Variants in UBE2Q2 observed in about 807,000 individuals in gnomAD.
The protein encoded by UBE2Q2 is ubiquitin-conjugating enzyme E2 Q2.
UBE2Q2 carries 54 observed loss-of-function variants against 59.9 expected under a neutral mutation model. The ratio of observed to expected loss-of-function variants is 0.90; its 90% confidence interval spans 0.72 to 1.13. UBE2Q2 has a LOEUF of 1.13. Ranked by LOEUF, UBE2Q2 falls within the 50% of genes most tolerant of loss-of-function variation. The pLI, the probability that UBE2Q2 is intolerant of heterozygous loss-of-function variation, is 0.00. For synonymous variants in UBE2Q2, 165 were observed against 155.2 expected, an observed-to-expected ratio of 1.06 and a Z score of -0.47; for missense variants, 433 against 441.9, an observed-to-expected ratio of 0.98 and a Z score of 0.18.
intron 1 of UBE2Q2, chr15:75,844,687 G>A (rs1477281964): frequency 1.9e-6 from 1 of 536,188 alleles, no homozygotes; most frequent in Non-Finnish European, 3.2e-6. Context: ...GAAGTATTAA[G>A]TTTCTCCATA....
intron 9 of UBE2Q2, among the ~76,000 whole-genome samples, chr15:75,889,032 G>C (rs1271520171): frequency 6.6e-6 from 1 of 152,150 alleles, no homozygotes; most frequent in East Asian, 1.9e-4. Context: ...TAAGCTTTCA[G>C]CAATTGTGGA....
chr15:75,877,904 A>G (rs1898175000), intron 6 of UBE2Q2, 57 bp from the exon 7 acceptor site: 1 of 1,523,240 alleles, frequency 6.6e-7, no homozygotes, highest in Non-Finnish European at 9.0e-7. Flanking sequence ...CATTTATACC[A>G]TAGTAATAGT....
chr15:75,879,225 TG>T, intron 8 of UBE2Q2, 37 bp downstream of exon 8: 2 of 1,273,910 alleles, frequency 1.6e-6, no homozygotes, highest in African/African-American at 3.0e-5. Flanking sequence ...ATACTTCCAG[TG>T]GGGTGCGTAT....
intron 4 of UBE2Q2, among the ~76,000 whole-genome samples, chr15:75,871,945 G>T (rs1049386619): frequency 1.3e-5 from 2 of 152,164 alleles, no homozygotes; most frequent in Non-Finnish European, 2.9e-5. Flanking sequence ...TCGTGGATGG[G>T]AACATGACTG....
At position 75,877,925 on chromosome 15, in the gene UBE2Q2, A is replaced by G; in HGVS notation, c.674-36A>G. 3 of 1,582,504 alleles carry G rather than the reference A, an allele frequency of 1.9e-6. No individual in the cohort carries two copies. In the South Asian group the frequency reaches 3.4e-5, roughly 18 times the overall value. ...TACCATAGTAATAGTTATATGATGA[A>G]ATGAAGAGTAGCTAACATGCTCTAT... On this transcript the variant is annotated intron_variant, in intron 6 of 12. Transcript: ENST00000267938.
intron 1 of UBE2Q2, among the ~76,000 whole-genome samples, chr15:75,847,904 T>C (rs1359549889): frequency 1.3e-5 from 2 of 152,212 alleles, no homozygotes; most frequent in Non-Finnish European, 2.9e-5. Context: ...AGTGGCTGTT[T>C]GCTAGGCTGC....
chr15:75,855,573 A>G (rs912314069), intron 2 of UBE2Q2, among the ~76,000 whole-genome samples: 3 of 152,184 alleles, frequency 2.0e-5, no homozygotes, highest in Admixed American at 6.5e-5. Context: ...TTCAGCTGAC[A>G]TGATTGTTTA....
chr15:75,854,623 T>C, intron 2 of UBE2Q2, 136 bp downstream of exon 2: 1 of 533,364 alleles, frequency 1.9e-6, no homozygotes. Context: ...AGTTTGTTTG[T>C]TTTTTTTCCT....
At chr15:75,879,432 G>GA (rs1898272362) in intron 8 of UBE2Q2, among the ~76,000 whole-genome samples, 1 of 152,220 alleles carries the variant, frequency 6.6e-6, no homozygotes, top group Admixed American at 6.5e-5. Flanking sequence ...ATAAAATGGA[G>GA]AATTGTGGTG....
At chr15:75,852,440 C>T (rs1000551645) in intron 1 of UBE2Q2, among the ~76,000 whole-genome samples, 6 of 152,154 alleles carry the variant, frequency 3.9e-5, no homozygotes, top group Non-Finnish European at 8.8e-5. Flanking sequence ...CTTAGATCTA[C>T]AGTGTATCAT....
intron 5 of UBE2Q2, 60 bp from the exon 6 acceptor site, chr15:75,876,127 T>C (rs886586838): frequency 6.7e-7 from 1 of 1,494,080 alleles, no homozygotes; most frequent in East Asian, 2.3e-5. Context: ...TTAGATCAGG[T>C]TGAAATATCT....
chr15:75,854,495 A>G lies in UBE2Q2; in HGVS notation c.282+8A>G, dbSNP rs1172216860. ...ACTAAGAACAACAATTTGGTAAGAA[A>G]ATAAGCCAAGCTATTTTCTCTTTTC... On this transcript the variant is annotated splice_region_variant and intron_variant, in intron 2 of 12. Coordinates refer to ENST00000267938, the MANE Select transcript of UBE2Q2 (RefSeq NM_173469.4). 13 of 1,579,032 alleles carry G rather than the reference A, an allele frequency of 8.2e-6. No homozygotes were observed. Among genetic ancestry groups the G allele is most frequent in the Non-Finnish European group, 1.0e-5 (12 of 1,153,938 alleles).
intron 3 of UBE2Q2, among the ~76,000 whole-genome samples, chr15:75,865,638 C>T (rs1342061654): frequency 6.6e-6 from 1 of 152,026 alleles, no homozygotes; most frequent in African/African-American, 2.4e-5. Context: ...ATTTTTAGTG[C>T]ATCAATATGG....
Position 75,843,747 on chromosome 15 carries a change from C to T in UBE2Q2, c.81C>T (p.Val27=), listed in dbSNP as rs368241686. 3.0e-4 allele frequency: 491 copies of T among 1,611,540 alleles called. 5 individuals are homozygous for T. The South Asian group carries it at 4.1e-3, about 13-fold the overall frequency. ...FDKNHERFRI[V]SWKLDELHCQ... is the part of the protein sequence containing the mutation. ...AGAACCACGAGCGATTCCGCATCGT[C>T]AGTTGGAAGCTGGACGAGCTGCACT... is the stretch of plus-strand genomic sequence containing the variant. Residue 27 remains valine, a synonymous_variant, in exon 1 of 13, where the codon GTC becomes GTT. Coordinates refer to ENST00000267938, the MANE Select transcript of UBE2Q2 (RefSeq NM_173469.4).
chr15:75,843,744 C>T lies in UBE2Q2; in HGVS notation c.78C>T (p.Ile26=), dbSNP rs1225164761. The T allele has an allele frequency of 3.7e-6, 6 of 1,611,468 alleles. No individual in the cohort carries two copies. Among genetic ancestry groups the T allele is most frequent in the African/African-American group, 2.7e-5 (2 of 74,478 alleles). The change falls in exon 1 of 13, where the codon ATC becomes ATT. Residue 26 remains isoleucine (I), a synonymous_variant. Coordinates refer to ENST00000267938, the MANE Select transcript of UBE2Q2 (RefSeq NM_173469.4). ...IFDKNHERFR[I]VSWKLDELHC... ...ACAAGAACCACGAGCGATTCCGCAT[C>T]GTCAGTTGGAAGCTGGACGAGCTGC... is the stretch of plus-strand genomic sequence containing the variant.
At chr15:75,894,579 A>G (rs1899291422) in intron 11 of UBE2Q2, among the ~76,000 whole-genome samples, 1 of 152,010 alleles carries the variant, frequency 6.6e-6, no homozygotes, top group African/African-American at 2.4e-5. Context: ...GCAAGACTCC[A>G]TCTCTTAAAA....
intron 1 of UBE2Q2, chr15:75,844,616 T>C: frequency 9.7e-7 from 1 of 1,031,744 alleles, no homozygotes; most frequent in Non-Finnish European, 1.4e-6. Context: ...AAAAGACACT[T>C]TTAAAAACTC....
chr15:75,853,908 T>C (rs915386943), intron 1 of UBE2Q2, among the ~76,000 whole-genome samples: 2 of 152,200 alleles, frequency 1.3e-5, no homozygotes, highest in Admixed American at 1.3e-4. Flanking sequence ...GCCATGTAGG[T>C]CTCTCCATAG....
intron 1 of UBE2Q2, among the ~76,000 whole-genome samples, chr15:75,848,814 G>T (rs1229786125): frequency 1.3e-5 from 2 of 152,076 alleles, no homozygotes; most frequent in Non-Finnish European, 2.9e-5. Context: ...GATAAAGCAG[G>T]GGTCCCTTTT....
Sources: allele counts gnomAD v4.1 joint callset (sites outside exome capture counted in the v4.1 genomes callset), GRCh38; gene constraint gnomAD v4.1.1; transcripts MANE v1.5; gene names NCBI Gene and HGNC (gene_info 2026-07-23, HGNC 2026-07-21).